CLIC5: variants seen among roughly 807,000 people sequenced by gnomAD.
The protein encoded by CLIC5 is CLIC family member 5.
CLIC5 carries 20 observed loss-of-function variants against 24.7 expected under a neutral mutation model. The ratio of observed to expected loss-of-function variants is 0.81; its 90% CI spans 0.57 to 1.18. The LOEUF (loss-of-function observed/expected upper bound fraction) is 1.18. CLIC5 is among the 50% of genes most tolerant of loss of function. CLIC5 has a pLI of 0.00. For missense variants in CLIC5, 341 were observed against 326.1 expected, an observed-to-expected ratio of 1.05 and a Z score of -0.35; for synonymous variants, 159 against 135.6, an observed-to-expected ratio of 1.17 and a Z score of -1.20.
At chr6:46,070,809 C>T (rs1762573735) in intron 1 of CLIC5, among the ~76,000 whole-genome samples, 2 of 152,108 alleles carry the variant, frequency 1.3e-5, no homozygotes, top group South Asian at 4.1e-4. Flanking sequence ...AGGCATCATG[C>T]TACCCAACTT....
At chr6:45,943,183 C>A (rs1764188767) in intron 3 of CLIC5, among the ~76,000 whole-genome samples, 1 of 152,224 alleles carries the variant, frequency 6.6e-6, no homozygotes, top group South Asian at 2.1e-4. Flanking sequence ...CACATGGCTG[C>A]CTGGCAGAGC....
intron 6 of CLIC5, among the ~76,000 whole-genome samples, chr6:45,891,662 C>T (rs781075404): frequency 1.5e-4 from 23 of 149,692 alleles, no homozygotes; most frequent in Non-Finnish European, 3.1e-4. Context: ...TGTGTATGTG[C>T]CATATGATGC....
intron 1 of CLIC5, among the ~76,000 whole-genome samples, chr6:46,058,804 C>A (rs1028615307): frequency 8.6e-5 from 13 of 152,022 alleles, no homozygotes; most frequent in African/African-American, 3.1e-4. Flanking sequence ...TCTAGGTGTT[C>A]CAGATTCCAC....
chr6:46,082,818 T>C (rs1214612774), upstream of CLIC5, among the ~76,000 whole-genome samples: 1 of 152,178 alleles, frequency 6.6e-6, no homozygotes, highest in East Asian at 1.9e-4. Flanking sequence ...CCCTTTTCCA[T>C]AATATTTATC....
intron 1 of CLIC5, among the ~76,000 whole-genome samples, chr6:46,062,791 G>C (rs1762324382): frequency 6.6e-6 from 1 of 152,206 alleles, no homozygotes; most frequent in Non-Finnish European, 1.5e-5. Context: ...CTGAGTATTG[G>C]AAGGTAGCTG....
At chr6:46,098,520 A>C in the CLIC5 span, among the ~76,000 whole-genome samples, 2 of 152,222 alleles carry the variant, frequency 1.3e-5, no homozygotes, top group East Asian at 3.8e-4. Context: ...TTTTAGAAAA[A>C]GCTTCACATT....
intron 1 of CLIC5, among the ~76,000 whole-genome samples, chr6:45,965,747 TC>T (rs1173064199): frequency 6.6e-6 from 1 of 152,230 alleles, no homozygotes; most frequent in Admixed American, 6.5e-5. Context: ...AAATATGTTT[TC>T]CACTTAATGA....
At chr6:46,066,068 C>A (rs1363411364) in intron 1 of CLIC5, among the ~76,000 whole-genome samples, 1 of 152,076 alleles carries the variant, frequency 6.6e-6, no homozygotes, top group Admixed American at 6.6e-5. Flanking sequence ...TCTCAAGGGG[C>A]ATATTAATGA....
chr6:45,889,734 A>T (rs1003261718), intron 6 of CLIC5, among the ~76,000 whole-genome samples: 2 of 152,228 alleles, frequency 1.3e-5, no homozygotes, highest in African/African-American at 2.4e-5. Flanking sequence ...ATAAAAAATA[A>T]AAATAATAGT....
At chr6:45,932,402 C>T (rs1763772013) in intron 4 of CLIC5, among the ~76,000 whole-genome samples, 1 of 152,234 alleles carries the variant, frequency 6.6e-6, no homozygotes, top group East Asian at 1.9e-4. Context: ...CCACCATGCC[C>T]GGCCTAATTG....
At chr6:45,883,796 A>C (rs1329738720) in intron 6 of CLIC5, 1 of 152,262 alleles carries the variant, frequency 6.6e-6, no homozygotes, top group African/African-American at 2.4e-5. Flanking sequence ...GAACCATCAG[A>C]ACTTTGAAGC....
chr6:46,102,437 T>C, the CLIC5 span: 1 of 152,218 alleles, frequency 6.6e-6, no homozygotes, highest in Non-Finnish European at 1.5e-5. Context: ...AAAATTTCTT[T>C]ATGTCCAACT....
chr6:46,107,408 C>T, the CLIC5 span, among the ~76,000 whole-genome samples: 1 of 152,176 alleles, frequency 6.6e-6, no homozygotes, highest in Non-Finnish European at 1.5e-5. Flanking sequence ...TTGGATCCTC[C>T]AGGCATAGTC....
chr6:45,895,252 C>T (rs1007965775), downstream of CLIC5, among the ~76,000 whole-genome samples: 1 of 152,102 alleles, frequency 6.6e-6, no homozygotes, highest in Non-Finnish European at 1.5e-5. Context: ...CCCAGAATCA[C>T]CCTCCCCTCA....
chr6:46,111,072 C>T, the CLIC5 span, among the ~76,000 whole-genome samples: 3 of 152,086 alleles, frequency 2.0e-5, no homozygotes, highest in African/African-American at 7.2e-5. Flanking sequence ...CAATTTCCTA[C>T]AATTTGGGCT....
intron 1 of CLIC5, 88 bp downstream of exon 1, chr6:46,015,392 G>A (rs1374138385): frequency 7.6e-7 from 1 of 1,323,494 alleles, no homozygotes; most frequent in Non-Finnish European, 1.0e-6. Context: ...CTCCTGGGAG[G>A]GTCCGGAGTC....
At chr6:45,974,227 C>T (rs115941909) in intron 1 of CLIC5, among the ~76,000 whole-genome samples, 1,636 of 151,700 alleles carry the variant, frequency 0.011, 32 homozygotes, top group African/African-American at 0.038. Context: ...CCTTATGCTC[C>T]CCTGAGAAGT....
chr6:46,109,857 T>C, the CLIC5 span, among the ~76,000 whole-genome samples: 2 of 147,890 alleles, frequency 1.4e-5, no homozygotes, highest in African/African-American at 4.9e-5. Flanking sequence ...AGGGCTTGCA[T>C]GTCTGACATA....
At chr6:46,122,551 G>A in the CLIC5 span, among the ~76,000 whole-genome samples, 3 of 152,264 alleles carry the variant, frequency 2.0e-5, no homozygotes, top group East Asian at 5.8e-4. Context: ...ACATTCAAAA[G>A]CTAGCAGAAG....
Sources: gnomAD v4.1 joint callset for allele counts (sites outside exome capture counted in the v4.1 genomes callset) on GRCh38, gnomAD v4.1.1 for gene constraint, MANE v1.5 for transcripts, NCBI Gene and HGNC (gene_info 2026-07-23, HGNC 2026-07-21) for gene names.